The following CNNM1 variants were observed in gnomAD, a reference collection of about 807,000 sequenced individuals.
CNNM1 encodes the protein metal transporter CNNM1.
A neutral mutation model predicts 78.8 loss-of-function variants in CNNM1; 44 were observed. That is an observed-to-expected ratio of 0.56 (90% CI 0.44 to 0.72). The LOEUF (loss-of-function observed/expected upper bound fraction) is 0.72, where lower values mean the gene tolerates loss of function less well. Ranked by LOEUF, CNNM1 falls within the 30% of genes least tolerant of loss-of-function variation. The pLI is 0.00. For missense variants in CNNM1, 1,101 were observed against 1,292.2 expected (o/e 0.85, Z 2.27); for synonymous variants, 584 against 581.5 (o/e 1.00, Z -0.06).
rs1024204960 is a variant in CNNM1 at position 99,360,990 on chromosome 10, C to T, written c.1858+15C>T. On this transcript the variant is annotated intron_variant, in intron 3 of 10. Transcript: ENST00000356713. ...CATGGCCACAGGTAGGACAAGTCTC[C>T]ACTCCAGAGAAGCTAAAACAGAATC... 1 of 1,592,694 alleles carries T rather than the reference C, an allele frequency of 6.3e-7. No homozygotes were observed. Among genetic ancestry groups the T allele is most frequent in the Non-Finnish European group, 8.6e-7 (1 of 1,166,012 alleles).
At chr10:99,368,736 C>G in intron 6 of CNNM1, 1 of 1,213,890 alleles carries the variant, frequency 8.2e-7, no homozygotes. Context: ...TTGCAAGAAG[C>G]CTTTGGCCTC....
chr10:99,360,896 G>A lies in CNNM1; in HGVS notation c.1779G>A (p.Leu593=), dbSNP rs1019877684. Residue 593 remains leucine, a synonymous_variant, in exon 3 of 11, where the codon TTG becomes TTA. Coordinates refer to ENST00000356713, the MANE Select transcript of CNNM1 (RefSeq NM_020348.3). Reference sequence around the variant, plus strand: ...AGCGGAAGCGGCATGACTTCTCCTTGTTTAAGCTTTCGGACACGGAGATGC... The same window carrying A: ...AGCGGAAGCGGCATGACTTCTCCTTATTTAAGCTTTCGGACACGGAGATGC... ...QRERKRHDFS[L]FKLSDTEMRV... 1 of 1,613,300 alleles carries A rather than the reference G, an allele frequency of 6.2e-7. No individual in the cohort carries two copies. Among genetic ancestry groups the A allele is most frequent in the Non-Finnish European group, 8.5e-7 (1 of 1,179,316 alleles).
At chr10:99,361,082 G>C in intron 3 of CNNM1, 107 bp downstream of exon 3, 2 of 1,240,568 alleles carry the variant, frequency 1.6e-6, no homozygotes, top group Non-Finnish European at 2.2e-6. Flanking sequence ...GTGCTGTCAG[G>C]ACTGAGAAGC....
At chr10:99,373,179 T>C (rs1215436957) in intron 6 of CNNM1, among the ~76,000 whole-genome samples, 1 of 152,202 alleles carries the variant, frequency 6.6e-6, no homozygotes, top group Non-Finnish European at 1.5e-5. Flanking sequence ...CCCTGTTGTC[T>C]TCCCTGAACA....
chr10:99,376,967 C>G, intron 6 of CNNM1, 88 bp from the exon 7 acceptor site: 58 of 1,217,526 alleles, frequency 4.8e-5, no homozygotes, highest in Non-Finnish European at 5.8e-5. Flanking sequence ...CAACACCTGT[C>G]TCTCCCTCCT....
Position 99,330,215 on chromosome 10 carries a change from C to T in CNNM1, c.828C>T (p.Arg276=). The part of the protein sequence containing the change: ...QEQARRVQAV[R]GRGTHLLCTL... ...AGGCGCGCCGCGTGCAGGCCGTTCG[C>T]GGCAGGGGGACCCATCTGCTCTGCA... Residue 276 remains arginine (R), a synonymous_variant, in exon 1 of 11, where the codon CGC becomes CGT. Transcript: ENST00000356713. 6.6e-7 allele frequency: 1 copy of T among 1,515,234 alleles called. No homozygotes were observed. Among genetic ancestry groups the T allele is most frequent in the Non-Finnish European group, 8.8e-7 (1 of 1,135,568 alleles). The allele number at this position is 1,515,234 out of a possible 1,614,324, so 93.9% of individuals were successfully genotyped here.
rs57477706 is a variant in CNNM1, at chr10:99,347,576, A to AACACACACACAC, written c.1574-9924_1574-9913dup. 9.6e-3 allele frequency among the ~76,000 whole-genome samples: 1,358 copies of AACACACACACAC among 140,876 alleles called. 19 individuals are homozygous for AACACACACACAC. The highest frequency in any genetic ancestry group is 0.028 in the African/African-American group (1,051 of 38,032). 92.4% of individuals were successfully genotyped at this position (140,876 alleles called of 152,430 possible). Reference sequence around the variant, plus strand: ...AAGTCAGATCATGTCACCTTTTTGCAACACACACACACACACACACACAAA... The same window carrying AACACACACACAC: ...AAGTCAGATCATGTCACCTTTTTGCAACACACACACACACACACACACACACACACACACAAA... On this transcript the variant is annotated intron_variant, in intron 1 of 10. Coordinates refer to ENST00000356713, the MANE Select transcript of CNNM1 (RefSeq NM_020348.3).
chr10:99,358,200 C>T (rs1292016773), intron 2 of CNNM1, among the ~76,000 whole-genome samples: 1 of 152,226 alleles, frequency 6.6e-6, no homozygotes, highest in Non-Finnish European at 1.5e-5. Context: ...TCTGTTCTCT[C>T]CCTGCCACCA....
intron 1 of CNNM1, among the ~76,000 whole-genome samples, chr10:99,344,362 AAT>A (rs1363162076): frequency 6.7e-6 from 1 of 150,070 alleles, no homozygotes; most frequent in Non-Finnish European, 1.5e-5. Context: ...GGTGGGGGGG[AAT>A]AGTGATACTA....
Position 99,390,488 on chromosome 10 carries a change from G to A in CNNM1, c.2776+81G>A, listed in dbSNP as rs2032442202. 4 of 1,059,100 alleles carry A rather than the reference G, an allele frequency of 3.8e-6. No individual in the cohort carries two copies. The South Asian group carries it at 4.1e-5, about 11-fold the overall frequency. The allele number at this position is 1,059,100 out of a possible 1,614,324, so 65.6% of individuals were successfully genotyped here. On this transcript the variant is annotated intron_variant, in intron 10 of 10. Transcript: ENST00000356713. ...AAAGCATGTTAGCATCTTCCTCTTG[G>A]GGGAGGAGCCATGGACTCCTCTTAG... is the stretch of plus-strand genomic sequence containing the variant.
intron 1 of CNNM1, among the ~76,000 whole-genome samples, chr10:99,356,538 A>AAGACAG (rs2031166013): frequency 1.1e-5 from 1 of 87,652 alleles, no homozygotes; most frequent in Non-Finnish European, 2.7e-5. Flanking sequence ...GAAAGAAAGA[A>AAGACAG]AGACAGACAG....
At chr10:99,385,168 A>G (rs1268951044) in intron 7 of CNNM1, among the ~76,000 whole-genome samples, 2 of 152,146 alleles carry the variant, frequency 1.3e-5, no homozygotes, top group African/African-American at 2.4e-5. Context: ...AACAGTAGTC[A>G]TTCCCAAGAG....
At chr10:99,331,701 A>G (rs2029924107) in intron 1 of CNNM1, among the ~76,000 whole-genome samples, 1 of 152,106 alleles carries the variant, frequency 6.6e-6, no homozygotes, top group Non-Finnish European at 1.5e-5. Flanking sequence ...CACTGTACAA[A>G]AGAGCAAGAC....
intron 7 of CNNM1, among the ~76,000 whole-genome samples, chr10:99,379,997 G>A (rs1475948626): frequency 6.7e-6 from 1 of 150,092 alleles, no homozygotes; most frequent in East Asian, 2.0e-4. Context: ...ATGGTGGAGA[G>A]CAAAGAAAGG....
intron 1 of CNNM1, among the ~76,000 whole-genome samples, chr10:99,348,608 G>A (rs1250689453): frequency 6.6e-6 from 1 of 152,202 alleles, no homozygotes; most frequent in Non-Finnish European, 1.5e-5. Flanking sequence ...ATGACTTAGG[G>A]TAACTAGAGT....
chr10:99,355,907 C>A (rs772037059), intron 1 of CNNM1, among the ~76,000 whole-genome samples: 3 of 152,178 alleles, frequency 2.0e-5, no homozygotes, highest in Non-Finnish European at 4.4e-5. Flanking sequence ...TATGAAATCT[C>A]TGCCTGTGAC....
chr10:99,365,153 C>A (rs2031571750), intron 6 of CNNM1, 151 bp downstream of exon 6: 1 of 768,642 alleles, frequency 1.3e-6, no homozygotes, highest in Admixed American at 2.0e-5. Flanking sequence ...AACACTGCTT[C>A]CTGCCAGGTA....
chr10:99,354,640 C>T (rs1488194727), intron 1 of CNNM1, among the ~76,000 whole-genome samples: 1 of 152,120 alleles, frequency 6.6e-6, no homozygotes, highest in Non-Finnish European at 1.5e-5. Flanking sequence ...GGTTCAGATT[C>T]AGAGTCGGGT....
chr10:99,332,707 G>T (rs962986549), intron 1 of CNNM1, among the ~76,000 whole-genome samples: 3 of 152,134 alleles, frequency 2.0e-5, no homozygotes, highest in Non-Finnish European at 4.4e-5. Flanking sequence ...GGGGGAAAAA[G>T]GTCTAAAAGC....
Sources: gnomAD v4.1 joint callset for allele counts (sites outside exome capture counted in the v4.1 genomes callset) on GRCh38, gnomAD v4.1.1 for gene constraint, MANE v1.5 for transcripts, NCBI Gene and HGNC (gene_info 2026-07-23, HGNC 2026-07-21) for gene names.